Variants in DELE1 observed in about 807,000 individuals in gnomAD.
The protein encoded by DELE1 is death ligand signal enhancer.
In DELE1, 54 loss-of-function variants were observed where a neutral mutation model predicts 59.3. The observed-to-expected ratio is 0.91, with a 90% CI of 0.73 to 1.14. The LOEUF (loss-of-function observed/expected upper bound fraction) is 1.14. Among genes scored for constraint, DELE1 ranks in the 50% most tolerant of loss-of-function variants. DELE1 has a pLI of 0.00. For missense variants in DELE1, 636 were observed against 643.9 expected (o/e 0.99, Z 0.13); for synonymous variants, 264 against 259.1 (o/e 1.02, Z -0.18).
Position 141,939,774 on chromosome 5 carries a change from T to A in DELE1, c.*1015T>A. On this transcript the variant is annotated 3_prime_UTR_variant, in exon 12 of 12. Coordinates refer to ENST00000432126, the MANE Select transcript of DELE1 (RefSeq NM_014773.5). Reference sequence around the variant, plus strand: ...AGCTGTGACCTGACTCCCTATATTGTTTCCTCAGTTGTAGACCAAAGGCAA... The same window carrying A: ...AGCTGTGACCTGACTCCCTATATTGATTCCTCAGTTGTAGACCAAAGGCAA... 2.3e-6 allele frequency: 2 copies of A among 876,290 alleles called. No individual in the cohort carries two copies. Among genetic ancestry groups the A allele is most frequent in the Non-Finnish European group, 2.7e-6 (2 of 730,556 alleles). The allele number at this position is 876,290 out of a possible 1,614,324, so 54.3% of individuals were successfully genotyped here.
intron 4 of DELE1, 21 bp from the exon 5 acceptor site, chr5:141,929,561 A>G (rs771216023): frequency 2.5e-6 from 4 of 1,610,656 alleles, no homozygotes; most frequent in East Asian, 4.5e-5. Flanking sequence ...AGACCTGACT[A>G]CTCTTGCTGG....
At chr5:141,935,739 C>G (rs982359063) in intron 10 of DELE1, among the ~76,000 whole-genome samples, 9 of 152,218 alleles carry the variant, frequency 5.9e-5, no homozygotes, top group African/African-American at 2.2e-4. Context: ...ACTGGGCATG[C>G]TGGCCTGCTT....
chr5:141,934,672 T>C lies in DELE1; in HGVS notation c.1149+86T>C, dbSNP rs1279631199. 3 of 1,297,910 alleles carry C rather than the reference T, an allele frequency of 2.3e-6. No individual in the cohort carries two copies. The African/African-American group carries it at 4.4e-5, about 19-fold the overall frequency. The allele number at this position is 1,297,910 out of a possible 1,614,324, so 80.4% of individuals were successfully genotyped here. A position where few individuals can be genotyped will look rare whatever the true frequency, so the allele number is the denominator to read the frequency against. On this transcript the variant is annotated intron_variant, in intron 10 of 11. Transcript: ENST00000432126. Reference sequence around the variant, plus strand: ...GAACTGGTACTGAGTTCTTCTGTGCTTAGGAGATTGTTGGATAGGAGCCTT... The same window carrying C: ...GAACTGGTACTGAGTTCTTCTGTGCCTAGGAGATTGTTGGATAGGAGCCTT...
chr5:141,940,514 GA>G lies in DELE1; in HGVS notation c.*1758del. The G allele has an allele frequency of 1.0e-6, 1 of 985,436 alleles. No individual in the cohort carries two copies. Among genetic ancestry groups the G allele is most frequent in the Non-Finnish European group, 1.2e-6 (1 of 829,946 alleles). The allele number at this position is 985,436 out of a possible 1,614,324, so 61.0% of individuals were successfully genotyped here. ...TCAAAGGCAAGAAGATTTGAGGGGG[GA>G]AAGTTGTCCACGTTTCCCTCTCTGC... On this transcript the variant is annotated 3_prime_UTR_variant, in exon 12 of 12. Coordinates refer to ENST00000432126, the MANE Select transcript of DELE1 (RefSeq NM_014773.5).
At chr5:141,925,377 C>T in intron 2 of DELE1, 33 bp from the exon 3 acceptor site, 1 of 1,455,382 alleles carries the variant, frequency 6.9e-7, no homozygotes, top group Non-Finnish European at 9.3e-7. Context: ...CTCCCTTTGC[C>T]CCTACTTGAT....
chr5:141,930,691 C>G (rs564965069), intron 7 of DELE1, among the ~76,000 whole-genome samples: 2 of 152,338 alleles, frequency 1.3e-5, no homozygotes, highest in African/African-American at 4.8e-5. Flanking sequence ...GTAGCATTCT[C>G]TGCCACACTT....
intron 3 of DELE1, among the ~76,000 whole-genome samples, chr5:141,926,567 A>G (rs1404729311): frequency 6.6e-6 from 1 of 151,784 alleles, no homozygotes; most frequent in Non-Finnish European, 1.5e-5. Flanking sequence ...CACACACATC[A>G]CTCTCATGTT....
At position 141,939,838 on chromosome 5, in the gene DELE1, G is replaced by A. The variant is rs1274499285; in HGVS notation, c.*1079G>A. 3.5e-6 allele frequency: 2 copies of A among 568,496 alleles called. No individual in the cohort carries two copies. Among genetic ancestry groups the A allele is most frequent in the Non-Finnish European group, 4.5e-6 (2 of 449,336 alleles). The allele number at this position is 568,496 out of a possible 1,614,324, so 35.2% of individuals were successfully genotyped here. A position where few individuals can be genotyped will look rare whatever the true frequency, so the allele number is the denominator to read the frequency against. On this transcript the variant is annotated 3_prime_UTR_variant, in exon 12 of 12. Coordinates refer to ENST00000432126, the MANE Select transcript of DELE1 (RefSeq NM_014773.5). Reference sequence around the variant, plus strand: ...CCTACCTTAGAAGACAAATGCAAGGGCATTTCACCACAGAGAGGACCTTTG... The same window carrying A: ...CCTACCTTAGAAGACAAATGCAAGGACATTTCACCACAGAGAGGACCTTTG...
chr5:141,938,244 G>A (rs1752524057), intron 11 of DELE1, among the ~76,000 whole-genome samples: 1 of 152,136 alleles, frequency 6.6e-6, no homozygotes, highest in Non-Finnish European at 1.5e-5. Flanking sequence ...TTGTCATAAG[G>A]ATGAAATGAG....
chr5:141,925,991 T>C (rs1056763717), intron 3 of DELE1, among the ~76,000 whole-genome samples: 1 of 152,158 alleles, frequency 6.6e-6, no homozygotes, highest in African/African-American at 2.4e-5. Flanking sequence ...GCAATTCTCC[T>C]GCTTCAGCCT....
chr5:141,924,469 T>C, intron 1 of DELE1, 112 bp from the exon 2 acceptor site: 1 of 710,080 alleles, frequency 1.4e-6, no homozygotes, highest in Non-Finnish European at 2.6e-6. Flanking sequence ...CTAGAATCTG[T>C]AGTAGATAAA....
intron 11 of DELE1, among the ~76,000 whole-genome samples, chr5:141,937,739 C>T (rs1420410729): frequency 6.2e-5 from 8 of 128,780 alleles, no homozygotes; most frequent in African/African-American, 2.3e-4. Context: ...CCATTGCACT[C>T]CAGCCTGGGT....
intron 2 of DELE1, among the ~76,000 whole-genome samples, chr5:141,924,904 G>A (rs774639632): frequency 2.6e-4 from 39 of 147,632 alleles, no homozygotes; most frequent in Non-Finnish European, 3.7e-4. Flanking sequence ...ACAGGCACCC[G>A]TCACCACACC....
intron 7 of DELE1, among the ~76,000 whole-genome samples, chr5:141,931,818 ATG>A (rs2126881844): frequency 6.6e-6 from 1 of 152,234 alleles, no homozygotes; most frequent in East Asian, 1.9e-4. Context: ...CATGAGCTTT[ATG>A]TGATTTTGAT....
At chr5:141,934,856 A>G (rs1189205146) in intron 10 of DELE1, 8 of 495,272 alleles carry the variant, frequency 1.6e-5, no homozygotes, top group Middle Eastern at 5.2e-4. Context: ...GCTAAATGCC[A>G]TAAAACAGGG....
intron 7 of DELE1, among the ~76,000 whole-genome samples, chr5:141,931,615 G>A (rs1221566666): frequency 2.0e-5 from 3 of 152,138 alleles, no homozygotes; most frequent in Non-Finnish European, 4.4e-5. Flanking sequence ...AAAGAAGAGA[G>A]CAAGAAGAGT....
At position 141,933,369 on chromosome 5, in the gene DELE1, C is replaced by T; in HGVS notation, c.865C>T (p.His289Tyr). The change falls in exon 8 of 12, where the codon CAT becomes TAT. Residue 289 changes from histidine (H) to tyrosine (Y), a missense_variant. Coordinates refer to ENST00000432126, the MANE Select transcript of DELE1 (RefSeq NM_014773.5). The stretch of plus-strand genomic sequence containing the variant: ...GTACAATGCGGGCTTGTGTCATGAG[C>T]ATGGCAGAGGCACCCCCAGGGACAT... The part of the protein sequence containing the change: ...AQYNAGLCHE[H>Y]GRGTPRDISK... The T allele has an allele frequency of 6.6e-7, 1 of 1,522,514 alleles. No homozygotes were observed. The highest frequency in any genetic ancestry group is 9.0e-7 in the Non-Finnish European group (1 of 1,117,090). The allele number at this position is 1,522,514 out of a possible 1,614,324, so 94.3% of individuals were successfully genotyped here. A position where few individuals can be genotyped will look rare whatever the true frequency, so the allele number is the denominator to read the frequency against.
At chr5:141,931,620 A>T (rs372191049) in intron 7 of DELE1, among the ~76,000 whole-genome samples, 2 of 152,136 alleles carry the variant, frequency 1.3e-5, no homozygotes, top group African/African-American at 4.8e-5. Flanking sequence ...AGAGAGCAAG[A>T]AGAGTAGATG....
rs1484622517 is a variant in DELE1 at position 141,928,228 on chromosome 5, G to C, written c.342G>C (p.Arg114=). 6.2e-7 allele frequency: 1 copy of C among 1,614,104 alleles called. No homozygotes were observed. The highest frequency in any genetic ancestry group is 8.5e-7 in the Non-Finnish European group (1 of 1,180,048). Residue 114 remains arginine, a synonymous_variant, in exon 4 of 12, where the codon CGG becomes CGC. Transcript: ENST00000432126. ...CATCCCTGCCAGCAGGACCTCAGCG[G>C]GTAGAACACTGCTCCTGGCACAGTC... The part of the protein sequence containing the change: ...FQASLPAGPQ[R]VEHCSWHSPL...
Sources: gnomAD v4.1 joint callset for allele counts (sites outside exome capture counted in the v4.1 genomes callset) on GRCh38, gnomAD v4.1.1 for gene constraint, MANE v1.5 for transcripts, NCBI Gene and HGNC (gene_info 2026-07-23, HGNC 2026-07-21) for gene names.